NEMP2: variants seen among roughly 807,000 people sequenced by gnomAD.
NEMP2 encodes nuclear envelope integral membrane protein 2.
In NEMP2, 53 loss-of-function variants were observed where a neutral mutation model predicts 54.2. That is an observed-to-expected ratio of 0.98 (90% CI 0.78 to 1.23). The LOEUF (loss-of-function observed/expected upper bound fraction) is 1.23. Ranked by LOEUF, NEMP2 falls within the 50% of genes most tolerant of loss-of-function variation. The pLI, the probability that NEMP2 is intolerant of heterozygous loss-of-function variation, is 0.00. For synonymous variants in NEMP2, 197 were observed against 190.3 expected (o/e 1.04, Z -0.29); for missense variants, 455 against 511.3 (o/e 0.89, Z 1.06).
chr2:190,474,104 G>T, the NEMP2 span, among the ~76,000 whole-genome samples: 1 of 152,096 alleles, frequency 6.6e-6, no homozygotes, highest in Non-Finnish European at 1.5e-5. Context: ...ATGCCCACAA[G>T]AGAAAGCAGG....
chr2:190,453,892 T>C, the NEMP2 span, among the ~76,000 whole-genome samples: 1 of 152,198 alleles, frequency 6.6e-6, no homozygotes, highest in Non-Finnish European at 1.5e-5. Context: ...AATCAATTAT[T>C]ATCATACATG....
In NEMP2 at chr2:190,516,996, C is replaced by T. The variant is rs182174224; in HGVS notation, c.612+524G>A. ...GTCCCAGCTACTGGGCAGGCTGAGG[C>T]GGGAGGATCACTTGAACCCAGGAGG... On this transcript the variant is annotated intron_variant, in intron 5 of 8. Coordinates refer to ENST00000409150, the MANE Select transcript of NEMP2 (RefSeq NM_001142645.2). Among the ~76,000 whole-genome samples the T allele has an allele frequency of 1.6e-4, 24 of 147,568 alleles. No individual in the cohort carries two copies. The East Asian group carries it at 4.2e-3, about 26-fold the overall frequency.
chr2:190,642,865 A>G, the NEMP2 span, among the ~76,000 whole-genome samples: 6 of 152,092 alleles, frequency 3.9e-5, no homozygotes, highest in Non-Finnish European at 8.8e-5. This position sits in a 1 kb window ranked among gnomAD's most constrained non-coding sequence, Gnocchi z 4.1. Context: ...GTTTGGAATT[A>G]CTGAAGCATT....
At chr2:190,517,667 T>C (rs1690609330) in intron 4 of NEMP2, 54 bp from the exon 5 acceptor site, 1 of 1,280,728 alleles carries the variant, frequency 7.8e-7, no homozygotes, top group Non-Finnish European at 1.1e-6. Flanking sequence ...ACTTTGAGTA[T>C]GAAAAACATG....
chr2:190,567,830 G>C, the NEMP2 span, among the ~76,000 whole-genome samples: 2 of 152,066 alleles, frequency 1.3e-5, no homozygotes, highest in Non-Finnish European at 2.9e-5. The surrounding 1 kb of genome is among the most constrained non-coding windows in gnomAD (Gnocchi z 4.0). Flanking sequence ...TGTATTTTTA[G>C]TAGAGACAGG....
rs976882535 is a variant in NEMP2, at chr2:190,523,025, T to C, written c.213+2238A>G. Among the ~76,000 whole-genome samples, 1 of 152,226 alleles carries C rather than the reference T, an allele frequency of 6.6e-6. No homozygotes were observed. The highest frequency in any genetic ancestry group is 2.4e-5 in the African/African-American group (1 of 41,448). On this transcript the variant is annotated intron_variant, in intron 2 of 8. Transcript: ENST00000409150. This position sits in a 1 kb window ranked among gnomAD's most constrained non-coding sequence, Gnocchi z 5.3. ...AATCTGAGGGATGTGTCACAGGCCA[T>C]TGGTCACTCATATTTGGCTCAGAAT...
chr2:190,465,409 A>G, the NEMP2 span, among the ~76,000 whole-genome samples: 1 of 150,818 alleles, frequency 6.6e-6, no homozygotes, highest in East Asian at 1.9e-4. This position sits in a 1 kb window ranked among gnomAD's most constrained non-coding sequence, Gnocchi z 4.6. Context: ...GTAGGTATCT[A>G]TATCTCGTGG....
chr2:190,483,070 T>C, the NEMP2 span, among the ~76,000 whole-genome samples: 12 of 150,698 alleles, frequency 8.0e-5, no homozygotes, highest in African/African-American at 2.9e-4. Flanking sequence ...TTTTTTGTAT[T>C]TTTAGTAGAG....
the NEMP2 span, among the ~76,000 whole-genome samples, chr2:190,561,864 C>A: frequency 6.6e-6 from 1 of 152,086 alleles, no homozygotes; most frequent in South Asian, 2.1e-4. This position sits in a 1 kb window ranked among gnomAD's most constrained non-coding sequence, Gnocchi z 5.4. Flanking sequence ...GGTGGATTTT[C>A]TATTTTAATG....
chr2:190,441,110 T>C, the NEMP2 span, among the ~76,000 whole-genome samples: 2 of 152,180 alleles, frequency 1.3e-5, no homozygotes, highest in African/African-American at 2.4e-5. Flanking sequence ...TTTCTCCTTC[T>C]TCTCATCATC....
the NEMP2 span, among the ~76,000 whole-genome samples, chr2:190,562,719 A>ATT: frequency 2.0e-5 from 3 of 151,928 alleles, no homozygotes; most frequent in Non-Finnish European, 4.4e-5. This position sits in a 1 kb window ranked among gnomAD's most constrained non-coding sequence, Gnocchi z 5.0. Context: ...TTTAAGGCAT[A>ATT]TTTTTTTAAA....
chr2:190,646,122 T>TA, the NEMP2 span, among the ~76,000 whole-genome samples: 2 of 152,236 alleles, frequency 1.3e-5, no homozygotes, highest in African/African-American at 4.8e-5. Flanking sequence ...CATGGACGTT[T>TA]AACAAAAGAT....
the NEMP2 span, among the ~76,000 whole-genome samples, chr2:190,494,528 C>A: frequency 6.6e-6 from 1 of 152,052 alleles, no homozygotes; most frequent in Non-Finnish European, 1.5e-5. This position sits in a 1 kb window ranked among gnomAD's most constrained non-coding sequence, Gnocchi z 5.7. Context: ...ATAACAAAAC[C>A]AGGAAAGGAC....
downstream of NEMP2, among the ~76,000 whole-genome samples, chr2:190,503,614 G>C (rs1360886550): frequency 6.6e-6 from 1 of 152,176 alleles, no homozygotes; most frequent in Admixed American, 6.5e-5. This position sits in a 1 kb window ranked among gnomAD's most constrained non-coding sequence, Gnocchi z 6.3. Context: ...TGACTGTAGG[G>C]AAGAAAGAGG....
At chr2:190,429,112 C>T in the NEMP2 span, among the ~76,000 whole-genome samples, 5 of 151,854 alleles carry the variant, frequency 3.3e-5, no homozygotes, top group Admixed American at 2.6e-4. Context: ...TTGTGAGGTG[C>T]CTATTCAAGC....
the NEMP2 span, among the ~76,000 whole-genome samples, chr2:190,627,432 A>G: frequency 6.6e-6 from 1 of 152,230 alleles, no homozygotes; most frequent in African/African-American, 2.4e-5. This position sits in a 1 kb window ranked among gnomAD's most constrained non-coding sequence, Gnocchi z 4.4. Flanking sequence ...GAAGATTTCC[A>G]AACACCTCTG....
chr2:190,548,956 G>T, the NEMP2 span, among the ~76,000 whole-genome samples: 1 of 152,148 alleles, frequency 6.6e-6, no homozygotes. Flanking sequence ...TATGAACCAA[G>T]TGTACATCCA....
At chr2:190,605,069 G>A in the NEMP2 span, among the ~76,000 whole-genome samples, 1 of 152,034 alleles carries the variant, frequency 6.6e-6, no homozygotes, top group Non-Finnish European at 1.5e-5. Flanking sequence ...TACATATACA[G>A]TGCACGTCTA....
At chr2:190,589,048 A>G in the NEMP2 span, among the ~76,000 whole-genome samples, 34 of 152,234 alleles carry the variant, frequency 2.2e-4, no homozygotes, top group South Asian at 6.8e-3. The surrounding 1 kb of genome is among the most constrained non-coding windows in gnomAD (Gnocchi z 4.3). Flanking sequence ...TCTGAGTGGG[A>G]CCCAAATGAA....
Sources: gnomAD v4.1 joint callset for allele counts (sites outside exome capture counted in the v4.1 genomes callset) on GRCh38, gnomAD v4.1.1 for gene constraint, Gnocchi (gnomAD v3.1) non-coding constraint, MANE v1.5 for transcripts, NCBI Gene and HGNC (gene_info 2026-07-23, HGNC 2026-07-21) for gene names.